DAB1: variants seen among roughly 807,000 people sequenced by gnomAD.
DAB1 encodes the protein disabled homolog 1.
A neutral mutation model predicts 64.6 loss-of-function variants in DAB1; 15 were observed. The ratio of observed to expected loss-of-function variants is 0.23; its 90% CI spans 0.16 to 0.36. The LOEUF is 0.36. DAB1 is among the 10% of genes least tolerant of loss of function. DAB1 has a pLI of 1.00. For synonymous variants in DAB1, 235 were observed against 251.9 expected (o/e 0.93, Z 0.64); for missense variants, 596 against 706.7 (o/e 0.84, Z 1.78).
At chr1:57,514,655 G>A (rs1644443581) in intron 7 of DAB1, among the ~76,000 whole-genome samples, 1 of 152,160 alleles carries the variant, frequency 6.6e-6, no homozygotes, top group South Asian at 2.1e-4. Flanking sequence ...ATATTAATAT[G>A]AAGTTAGTGC....
chr1:58,304,228 T>C (rs1662247736), intron 4 of DAB1, among the ~76,000 whole-genome samples: 1 of 152,186 alleles, frequency 6.6e-6, no homozygotes, highest in Non-Finnish European at 1.5e-5. Flanking sequence ...AAAGCCATCG[T>C]TTGTGTAATG....
At chr1:57,494,061 A>G (rs1159346994) in intron 7 of DAB1, among the ~76,000 whole-genome samples, 4 of 152,122 alleles carry the variant, frequency 2.6e-5, no homozygotes, top group Non-Finnish European at 5.9e-5. Context: ...AAATGTCAGT[A>G]TACTCTGTGA....
intron 4 of DAB1, among the ~76,000 whole-genome samples, chr1:58,237,334 G>A (rs766550120): frequency 1.5e-4 from 23 of 152,156 alleles, no homozygotes; most frequent in Non-Finnish European, 2.5e-4. Flanking sequence ...CTGGGAGGTT[G>A]GCACGAAGAA....
intron 7 of DAB1, among the ~76,000 whole-genome samples, chr1:57,559,939 C>T (rs1645032221): frequency 6.6e-6 from 1 of 152,154 alleles, no homozygotes; most frequent in African/African-American, 2.4e-5. Context: ...CCATTCAGCT[C>T]TCTCATTTGG....
intron 2 of DAB1, among the ~76,000 whole-genome samples, chr1:57,155,408 G>T (rs958128451): frequency 5.3e-5 from 8 of 151,930 alleles, no homozygotes; most frequent in African/African-American, 1.9e-4. Flanking sequence ...GGCCAGTGCG[G>T]TGCTGTTTTG....
At chr1:58,027,988 T>G (rs1478948980) in intron 5 of DAB1, among the ~76,000 whole-genome samples, 1 of 152,212 alleles carries the variant, frequency 6.6e-6, no homozygotes, top group Non-Finnish European at 1.5e-5. Context: ...TGCTACTAAC[T>G]CAGGCCATTT....
chr1:57,689,730 A>G (rs941978039), intron 6 of DAB1, among the ~76,000 whole-genome samples: 2 of 152,212 alleles, frequency 1.3e-5, no homozygotes, highest in African/African-American at 4.8e-5. Context: ...TTGAGTACCC[A>G]TCCCAACAAG....
chr1:57,017,059 CAATTTCTGATCTTTGCAGTT>C (rs1271157615), intron 11 of DAB1, among the ~76,000 whole-genome samples: 5 of 152,218 alleles, frequency 3.3e-5, no homozygotes, highest in African/African-American at 1.2e-4. Context: ...TGGCCAAGAC[CAATTTCTGATCTTTGCAGTT>C]AATAGACCTC....
chr1:58,485,626 T>A (rs1426189882), intron 3 of DAB1, among the ~76,000 whole-genome samples: 1 of 152,114 alleles, frequency 6.6e-6, no homozygotes, highest in East Asian at 1.9e-4. Context: ...CCTTTCCATA[T>A]TCATTTTATA....
At chr1:58,210,327 G>C (rs17117108) in intron 4 of DAB1, among the ~76,000 whole-genome samples, 28,873 of 152,096 alleles carry the variant, frequency 0.19, 2,945 homozygotes, top group East Asian at 0.38. Context: ...GGTATAGCAT[G>C]TTCATAAAAC....
chr1:57,443,923 G>C (rs1189297094), intron 7 of DAB1, among the ~76,000 whole-genome samples: 1 of 152,184 alleles, frequency 6.6e-6, no homozygotes, highest in East Asian at 1.9e-4. Flanking sequence ...TTTAGACCCT[G>C]ATGATAACGT....
intron 4 of DAB1, among the ~76,000 whole-genome samples, chr1:57,089,586 G>A (rs1437381735): frequency 2.0e-5 from 3 of 151,892 alleles, no homozygotes; most frequent in African/African-American, 7.3e-5. Flanking sequence ...GAGGGATGGG[G>A]GAGCTGCCAC....
At chr1:58,518,860 T>G (rs938296378) in intron 2 of DAB1, among the ~76,000 whole-genome samples, 4 of 152,188 alleles carry the variant, frequency 2.6e-5, no homozygotes, top group African/African-American at 9.7e-5. Flanking sequence ...CTAAGAATTT[T>G]AATTATATTA....
chr1:57,884,474 C>T (rs1166035038), upstream of DAB1, among the ~76,000 whole-genome samples: 1 of 152,184 alleles, frequency 6.6e-6, no homozygotes, highest in African/African-American at 2.4e-5. Flanking sequence ...TAAACATACA[C>T]AGGCTAAAAT....
intron 7 of DAB1, among the ~76,000 whole-genome samples, chr1:57,634,905 G>C (rs1212687352): frequency 1.3e-5 from 2 of 152,108 alleles, no homozygotes; most frequent in African/African-American, 4.8e-5. Flanking sequence ...TATATAAGGT[G>C]GTCAAAGAAG....
intron 7 of DAB1, among the ~76,000 whole-genome samples, chr1:57,595,204 T>C (rs1645492627): frequency 6.7e-6 from 1 of 149,924 alleles, no homozygotes; most frequent in Non-Finnish European, 1.5e-5. Flanking sequence ...TTTAGAATTA[T>C]TTAGAATAAT....
chr1:57,379,111 A>T (rs990215688), intron 1 of DAB1, among the ~76,000 whole-genome samples: 12 of 152,100 alleles, frequency 7.9e-5, no homozygotes, highest in Non-Finnish European at 1.6e-4. Context: ...GTCTATCATA[A>T]GAGTTCCTAA....
At chr1:58,371,537 C>T (rs976815848) in intron 3 of DAB1, among the ~76,000 whole-genome samples, 1 of 152,178 alleles carries the variant, frequency 6.6e-6, no homozygotes, top group African/African-American at 2.4e-5. Context: ...AAATTCAAGC[C>T]TGCTACAGAA....
At chr1:58,423,799 A>T (rs932411368) in intron 3 of DAB1, among the ~76,000 whole-genome samples, 1 of 152,160 alleles carries the variant, frequency 6.6e-6, no homozygotes, top group African/African-American at 2.4e-5. Flanking sequence ...AATGGCTTTC[A>T]ACTGTTGCTA....
Sources: gnomAD v4.1 joint callset for allele counts (sites outside exome capture counted in the v4.1 genomes callset) on GRCh38, gnomAD v4.1.1 for gene constraint, MANE v1.5 for transcripts, NCBI Gene and HGNC (gene_info 2026-07-23, HGNC 2026-07-21) for gene names.